The following SETBP1 variants were observed in gnomAD, a reference collection of about 807,000 sequenced individuals.
The protein encoded by SETBP1 is SET-binding protein.
In SETBP1, 9 loss-of-function variants were observed where a neutral mutation model predicts 101.0. That is an observed-to-expected ratio of 0.09 (90% CI 0.05 to 0.16). The LOEUF (loss-of-function observed/expected upper bound fraction) is 0.16, where lower values mean the gene tolerates loss of function less well. Ranked by LOEUF, SETBP1 falls within the 10% of genes least tolerant of loss-of-function variation. SETBP1 has a pLI of 1.00. For missense variants in SETBP1, 1,858 were observed against 2,033.8 expected, an observed-to-expected ratio of 0.91 and a Z score of 1.66; for synonymous variants, 818 against 788.5, an observed-to-expected ratio of 1.04 and a Z score of -0.63.
chr18:44,880,434 C>T (rs142346366), intron 3 of SETBP1, among the ~76,000 whole-genome samples: 4 of 152,264 alleles, frequency 2.6e-5, no homozygotes, highest in Non-Finnish European at 4.4e-5. Flanking sequence ...TTTGGCTTCC[C>T]GCCTTTGATA....
chr18:45,063,434 C>T lies in SETBP1; in HGVS notation c.4527C>T (p.Ile1509=), dbSNP rs558981385. ...GCCAAGACACCATCATGGCCACCATCGAGGCGGTCATCCACATGGCCCGGG... is the reference window on the plus strand; with the variant it reads ...GCCAAGACACCATCATGGCCACCATTGAGGCGGTCATCCACATGGCCCGGG... ...AASQDTIMAT[I]EAVIHMAREA... The change falls in exon 6 of 6, where the codon ATC becomes ATT. Residue 1509 remains isoleucine, a synonymous_variant. Coordinates refer to ENST00000649279, the MANE Select transcript of SETBP1 (RefSeq NM_015559.3). 1.3e-5 allele frequency: 19 copies of T among 1,504,046 alleles called. No homozygotes were observed. The South Asian group carries it at 1.9e-4, about 15-fold the overall frequency. The allele number at this position is 1,504,046 out of a possible 1,614,324, so 93.2% of individuals were successfully genotyped here.
chr18:44,823,236 G>A (rs1234236681), intron 2 of SETBP1, among the ~76,000 whole-genome samples: 2 of 152,210 alleles, frequency 1.3e-5, no homozygotes, highest in Non-Finnish European at 2.9e-5. Flanking sequence ...AAATCTTAGA[G>A]TGGATACTGG....
intron 2 of SETBP1, among the ~76,000 whole-genome samples, chr18:44,832,746 C>T (rs1004776244): frequency 1.2e-4 from 19 of 152,272 alleles, no homozygotes; most frequent in Non-Finnish European, 2.9e-5. Flanking sequence ...TTCTTAGCTT[C>T]CCATTCCTTG....
At chr18:44,985,210 T>G (rs2072205183) in intron 4 of SETBP1, among the ~76,000 whole-genome samples, 2 of 152,074 alleles carry the variant, frequency 1.3e-5, no homozygotes, top group Non-Finnish European at 2.9e-5. Flanking sequence ...GTTACAAATG[T>G]GGGTAGGGGT....
At chr18:44,872,501 A>G (rs1208739480) in intron 3 of SETBP1, among the ~76,000 whole-genome samples, 1 of 152,104 alleles carries the variant, frequency 6.6e-6, no homozygotes, top group African/African-American at 2.4e-5. Context: ...TGCTTGCACT[A>G]GTTGTTAGTA....
At chr18:45,049,710 G>T (rs1023054648) in intron 5 of SETBP1, among the ~76,000 whole-genome samples, 1 of 152,128 alleles carries the variant, frequency 6.6e-6, no homozygotes, top group African/African-American at 2.4e-5. Flanking sequence ...GCCATTGAAG[G>T]CATTGAACTG....
chr18:44,793,826 A>G (rs62090585), intron 2 of SETBP1, among the ~76,000 whole-genome samples: 4 of 152,300 alleles, frequency 2.6e-5, no homozygotes, highest in East Asian at 1.9e-4. Flanking sequence ...GATTCATGGC[A>G]TGTCATTCCA....
intron 1 of SETBP1, among the ~76,000 whole-genome samples, chr18:44,700,094 C>A (rs533496745): frequency 6.6e-6 from 1 of 152,208 alleles, no homozygotes; most frequent in African/African-American, 2.4e-5. Context: ...ATGTTTGCAG[C>A]CCCAGGGCTC....
intron 2 of SETBP1, among the ~76,000 whole-genome samples, chr18:44,754,831 C>T (rs188495704): frequency 3.3e-5 from 5 of 152,316 alleles, no homozygotes; most frequent in South Asian, 2.1e-4. Flanking sequence ...ATTCTGTTTA[C>T]GCTTAAAATC....
At chr18:44,865,058 G>A (rs1185585926) in intron 2 of SETBP1, among the ~76,000 whole-genome samples, 1 of 152,170 alleles carries the variant, frequency 6.6e-6, no homozygotes, top group Non-Finnish European at 1.5e-5. Flanking sequence ...CAGCTTTAGG[G>A]TAGAAATCAG....
chr18:45,016,599 G>A (rs1457252760), intron 4 of SETBP1, among the ~76,000 whole-genome samples: 1 of 152,152 alleles, frequency 6.6e-6, no homozygotes, highest in Admixed American at 6.5e-5. Context: ...TGAACAAAAT[G>A]CAATAAATAT....
chr18:44,992,340 T>A (rs1477095985), intron 4 of SETBP1, among the ~76,000 whole-genome samples: 1 of 152,044 alleles, frequency 6.6e-6, no homozygotes, highest in Non-Finnish European at 1.5e-5. Context: ...GATTGATTTT[T>A]AAAAAATTGC....
At chr18:44,831,446 A>G (rs1314056884) in intron 2 of SETBP1, among the ~76,000 whole-genome samples, 1 of 152,232 alleles carries the variant, frequency 6.6e-6, no homozygotes, top group Admixed American at 6.5e-5. Context: ...AGATACCATT[A>G]TGACTTTCAA....
chr18:44,769,646 T>C (rs2070831870), intron 2 of SETBP1, among the ~76,000 whole-genome samples: 1 of 152,220 alleles, frequency 6.6e-6, no homozygotes, highest in African/African-American at 2.4e-5. Context: ...AGTAGAGAAT[T>C]CAAAGCTTTA....
chr18:45,018,078 G>T (rs2072985595), intron 4 of SETBP1, among the ~76,000 whole-genome samples: 1 of 152,096 alleles, frequency 6.6e-6, no homozygotes. Context: ...CTGATAGTCT[G>T]GGATTCTAAC....
intron 2 of SETBP1, among the ~76,000 whole-genome samples, chr18:44,765,226 A>G (rs1297793015): frequency 2.0e-5 from 3 of 152,124 alleles, no homozygotes; most frequent in Admixed American, 6.5e-5. Context: ...AGTGAAGATC[A>G]ATTGAGTAGG....
Position 44,995,705 on chromosome 18 carries a change from G to A in SETBP1, c.4000+42365G>A, listed in dbSNP as rs557830307. 6.6e-5 allele frequency among the ~76,000 whole-genome samples: 10 copies of A among 152,288 alleles called. No homozygotes were observed. In the South Asian group the frequency reaches 2.1e-3, roughly 32 times the overall value. ...GTCCAAAATCAAGATGCTGGGATCA[G>A]TGTCTGCCAAGGACCTTCTTGGTGC... is the stretch of plus-strand genomic sequence containing the variant. On this transcript the variant is annotated intron_variant, in intron 4 of 5. Transcript: ENST00000649279.
intron 2 of SETBP1, among the ~76,000 whole-genome samples, chr18:44,787,010 C>T (rs2071253649): frequency 6.6e-6 from 1 of 152,182 alleles, no homozygotes; most frequent in African/African-American, 2.4e-5. Flanking sequence ...GAAGGGAGAA[C>T]ATTTTGAGCA....
chr18:45,036,687 G>A (rs1356222002), intron 4 of SETBP1, among the ~76,000 whole-genome samples: 1 of 152,230 alleles, frequency 6.6e-6, no homozygotes, highest in African/African-American at 2.4e-5. Flanking sequence ...ACAACTGGGA[G>A]TTTCAGAGAC....
Sources: allele counts gnomAD v4.1 joint callset (sites outside exome capture counted in the v4.1 genomes callset), GRCh38; gene constraint gnomAD v4.1.1; transcripts MANE v1.5; gene names NCBI Gene and HGNC (gene_info 2026-07-23, HGNC 2026-07-21).